POT1: variants seen among roughly 807,000 people sequenced by gnomAD.
The protein encoded by POT1 is protection of telomeres 1, also known as protection of telomeres protein 1.
POT1 carries 47 observed loss-of-function variants against 78.5 expected under a neutral mutation model. The ratio of observed to expected loss-of-function variants is 0.60; its 90% confidence interval spans 0.47 to 0.76. The LOEUF is 0.76. Ranked by LOEUF, POT1 falls within the 30% of genes least tolerant of loss-of-function variation. The pLI, the probability that POT1 is intolerant of heterozygous loss-of-function variation, is 0.00. For missense variants in POT1, 646 were observed against 749.9 expected (o/e 0.86, Z 1.62); for synonymous variants, 259 against 260.7 (o/e 0.99, Z 0.06).
At chr7:124,828,957 C>T (rs771798374) in intron 16 of POT1, 3 of 625,418 alleles carry the variant, frequency 4.8e-6, no homozygotes, top group South Asian at 2.8e-5. Flanking sequence ...GCACAATGTC[C>T]AGCTCTGAAT....
intron 3 of POT1, among the ~76,000 whole-genome samples, chr7:124,906,456 A>C (rs1432044663): frequency 7.5e-6 from 1 of 132,556 alleles, no homozygotes; most frequent in African/African-American, 2.9e-5. Flanking sequence ...ACTTGGACAC[A>C]GGGTGGGGAA....
chr7:124,853,085 A>C lies in POT1; in HGVS notation c.756T>G (p.Asn252Lys). 6.2e-7 allele frequency: 1 copy of C among 1,608,876 alleles called. No homozygotes were observed. The highest frequency in any genetic ancestry group is 8.5e-7 in the Non-Finnish European group (1 of 1,175,490). The change falls in exon 10 of 19, where the codon AAT (asparagine) becomes AAG (lysine). Residue 252 changes from asparagine (N) to lysine (K), a missense_variant. This residue lies in a region of POT1 where 252 missense variants were observed against 341.4 expected (regional missense o/e 0.74). Transcript: ENST00000357628. ...AACTTAACATTGTCTGATTCTCTGA[A>C]TTCATTGATTGAAGTTTGGTATGAA... Reference protein sequence around the residue: ...YSLHTKLQSMNSENQTMLSLE... With the variant: ...YSLHTKLQSMKSENQTMLSLE...
chr7:124,883,301 A>G (rs946711174), intron 6 of POT1, among the ~76,000 whole-genome samples: 1 of 152,082 alleles, frequency 6.6e-6, no homozygotes, highest in Non-Finnish European at 1.5e-5. Context: ...AAAAACAGAA[A>G]AGTAGAGTTT....
At chr7:124,878,051 C>A (rs1796032434) in intron 6 of POT1, among the ~76,000 whole-genome samples, 1 of 151,902 alleles carries the variant, frequency 6.6e-6, no homozygotes, top group Non-Finnish European at 1.5e-5. Flanking sequence ...GAGATGCTGG[C>A]CAGGCACAGT....
intron 3 of POT1, among the ~76,000 whole-genome samples, chr7:124,906,304 C>A (rs1423463279): frequency 6.6e-6 from 1 of 152,036 alleles, no homozygotes; most frequent in Non-Finnish European, 1.5e-5. Context: ...GAATACTATG[C>A]AACCGTAAAA....
intron 9 of POT1, among the ~76,000 whole-genome samples, chr7:124,853,734 A>C (rs1448090535): frequency 6.6e-6 from 1 of 152,088 alleles, no homozygotes; most frequent in East Asian, 1.9e-4. Context: ...CGTAAGAGTT[A>C]ACTAATTAGA....
At chr7:124,852,633 G>A (rs1795338272) in intron 10 of POT1, among the ~76,000 whole-genome samples, 1 of 151,992 alleles carries the variant, frequency 6.6e-6, no homozygotes, top group South Asian at 2.1e-4. Flanking sequence ...AAATATTTTT[G>A]GAATCTTAGA....
In POT1 at chr7:124,901,091, A is replaced by T. The variant is rs530304677; in HGVS notation, c.-153-2717T>A. ...TGGGGGCAGGGCATAGCTGAAGAAG[A>T]GGCAGCAGAAACTTCTGCAGACTTA... is the stretch of plus-strand genomic sequence containing the variant. On this transcript the variant is annotated intron_variant, in intron 3 of 18. Coordinates refer to ENST00000357628, the MANE Select transcript of POT1 (RefSeq NM_015450.3). Among the ~76,000 whole-genome samples the T allele has an allele frequency of 2.4e-4, 36 of 152,316 alleles. No homozygotes were observed. The South Asian group carries it at 2.7e-3, about 11-fold the overall frequency.
chr7:124,861,009 G>A (rs773898596), intron 8 of POT1, among the ~76,000 whole-genome samples: 1 of 152,030 alleles, frequency 6.6e-6, no homozygotes, highest in Non-Finnish European at 1.5e-5. Flanking sequence ...TCTACCATTC[G>A]TGGGCATTTG....
chr7:124,898,618 T>C (rs1010941788), intron 3 of POT1, among the ~76,000 whole-genome samples: 1 of 151,996 alleles, frequency 6.6e-6, no homozygotes, highest in African/African-American at 2.4e-5. Context: ...TCCCACTTCA[T>C]GGACCAGGAA....
chr7:124,829,806 C>G (rs1205649943), intron 15 of POT1, among the ~76,000 whole-genome samples: 2 of 151,970 alleles, frequency 1.3e-5, no homozygotes, highest in Non-Finnish European at 2.9e-5. Flanking sequence ...CTCAAGTGAG[C>G]CTCCCACCTC....
In POT1 at chr7:124,866,745, C is replaced by A. The variant is rs565991183; in HGVS notation, c.256-3105G>T. Among the ~76,000 whole-genome samples, 4 of 152,290 alleles carry A rather than the reference C, an allele frequency of 2.6e-5. No individual in the cohort carries two copies. In the South Asian group the frequency reaches 8.3e-4, roughly 32 times the overall value. On this transcript the variant is annotated intron_variant, in intron 7 of 18. Transcript: ENST00000357628. ...GGGGCTCACTTTATAAGTTTCTCTT[C>A]ACTCTCTGATCATAGCTACCCATTG...
intron 10 of POT1, among the ~76,000 whole-genome samples, 182 bp from the exon 11 acceptor site, chr7:124,852,133 G>A (rs1029117585): frequency 6.6e-6 from 1 of 152,072 alleles, no homozygotes; most frequent in Non-Finnish European, 1.5e-5. Flanking sequence ...TTAAAAATCT[G>A]AGTTTAGAAA....
chr7:124,923,022 C>T (rs1385953082), intron 2 of POT1, among the ~76,000 whole-genome samples: 1 of 150,820 alleles, frequency 6.6e-6, no homozygotes, highest in African/African-American at 2.4e-5. Flanking sequence ...CATTTCTTTG[C>T]TACAAATGCA....
intron 3 of POT1, among the ~76,000 whole-genome samples, chr7:124,908,148 T>C (rs1217176239): frequency 1.3e-5 from 2 of 152,000 alleles, no homozygotes; most frequent in African/African-American, 2.4e-5. Flanking sequence ...ATTAAATAAT[T>C]TTCCTATATT....
intron 2 of POT1, among the ~76,000 whole-genome samples, chr7:124,927,271 T>C (rs1417711050): frequency 6.6e-6 from 1 of 152,180 alleles, no homozygotes; most frequent in African/African-American, 2.4e-5. Context: ...AATGAACAGA[T>C]ACTTTTCAGA....
In POT1 at chr7:124,865,248, T is replaced by C. The variant is rs116138955; in HGVS notation, c.256-1608A>G. ...ATTTCAAGATTTTTCTCTTTCTCAA[T>C]GGTTTCACATTGAGAAAGTTTTGTC... is the stretch of plus-strand genomic sequence containing the variant. On this transcript the variant is annotated intron_variant, in intron 7 of 18. Coordinates refer to ENST00000357628, the MANE Select transcript of POT1 (RefSeq NM_015450.3). Among the ~76,000 whole-genome samples the C allele has an allele frequency of 4.2e-3, 633 of 152,246 alleles. 4 individuals carry two copies. Among genetic ancestry groups the C allele is most frequent in the Middle Eastern group, 0.024 (7 of 294 alleles).
intron 2 of POT1, among the ~76,000 whole-genome samples, chr7:124,923,091 G>A (rs1226578802): frequency 6.7e-6 from 1 of 150,212 alleles, no homozygotes; most frequent in Non-Finnish European, 1.5e-5. Flanking sequence ...TCAAAGGAAG[G>A]GCACAGGAAA....
intron 6 of POT1, 60 bp downstream of exon 6, chr7:124,892,206 G>A (rs750893207): frequency 3.1e-4 from 317 of 1,030,204 alleles, no homozygotes; most frequent in Non-Finnish European, 4.3e-4. Flanking sequence ...AGATGGAACC[G>A]TGTTCCTAAA....
Sources: gnomAD v4.1 joint callset for allele counts (sites outside exome capture counted in the v4.1 genomes callset) on GRCh38, gnomAD v4.1.1 for gene constraint, gnomAD v4.1.1 regional missense constraint, MANE v1.5 for transcripts, NCBI Gene and HGNC (gene_info 2026-07-23, HGNC 2026-07-21) for gene names.